The following RNF150 variants were observed in gnomAD, a reference collection of about 807,000 sequenced individuals.
The protein encoded by RNF150 is ring finger protein 150.
RNF150 carries 24 observed loss-of-function variants against 39.3 expected under a neutral mutation model. The observed-to-expected ratio is 0.61, with a 90% CI of 0.44 to 0.86. The LOEUF is 0.86. Ranked by LOEUF, RNF150 falls within the 40% of genes least tolerant of loss-of-function variation. The pLI is 0.00. For missense variants in RNF150, 502 were observed against 587.8 expected (o/e 0.85, Z 1.51); for synonymous variants, 255 against 227.3 (o/e 1.12, Z -1.10).
intron 1 of RNF150, among the ~76,000 whole-genome samples, chr4:141,170,800 T>C (rs1320643473): frequency 6.6e-6 from 1 of 152,316 alleles, no homozygotes; most frequent in East Asian, 1.9e-4. Context: ...TTCCAGAGAA[T>C]AATTGAACAT....
intron 1 of RNF150, among the ~76,000 whole-genome samples, chr4:141,102,052 G>A (rs1021673697): frequency 1.3e-5 from 2 of 152,078 alleles, no homozygotes; most frequent in African/African-American, 4.8e-5. Context: ...AAAGTTCTGG[G>A]ATTACAGGTG....
At position 140,864,113 on chromosome 4, in the gene RNF150, G is replaced by T. The variant is rs1246818897; in HGVS notation, c.*4148C>A. ...AGGATGAAGGAAATGTTAAAAACAA[G>T]AAAACAAAACAAAACAAAACAAAAT... On this transcript the variant is annotated 3_prime_UTR_variant, in exon 7 of 7. Coordinates refer to ENST00000515673, the MANE Select transcript of RNF150 (RefSeq NM_020724.2). The T allele has an allele frequency of 6.6e-6, 1 of 152,120 alleles. No individual in the cohort carries two copies. Among genetic ancestry groups the T allele is most frequent in the Admixed American group, 6.6e-5 (1 of 15,260 alleles). The allele number at this position is 152,120 out of a possible 1,614,324, so 9.4% of individuals were successfully genotyped here.
intron 1 of RNF150, among the ~76,000 whole-genome samples, chr4:141,043,854 T>G (rs947328172): frequency 6.6e-6 from 1 of 152,080 alleles, no homozygotes; most frequent in Non-Finnish European, 1.5e-5. Flanking sequence ...ATCACAACCT[T>G]GATTTCAGAC....
At chr4:141,045,573 C>T (rs1014925501) in intron 1 of RNF150, among the ~76,000 whole-genome samples, 3 of 151,536 alleles carry the variant, frequency 2.0e-5, no homozygotes, top group Admixed American at 6.6e-5. Flanking sequence ...AACGGAGTTT[C>T]GTTCTTGTTG....
chr4:140,916,332 A>T (rs966929871), intron 5 of RNF150, among the ~76,000 whole-genome samples: 6 of 152,342 alleles, frequency 3.9e-5, no homozygotes, highest in Admixed American at 1.3e-4. Flanking sequence ...AGAATAACCA[A>T]TGCAGAGAAG....
intron 1 of RNF150, among the ~76,000 whole-genome samples, chr4:141,000,831 T>G (rs1035316288): frequency 6.6e-6 from 1 of 152,210 alleles, no homozygotes; most frequent in Non-Finnish European, 1.5e-5. Flanking sequence ...CATCCTCATT[T>G]GGAAGTTTTT....
intron 6 of RNF150, among the ~76,000 whole-genome samples, chr4:140,889,394 T>G (rs1485843790): frequency 6.6e-6 from 1 of 152,220 alleles, no homozygotes; most frequent in Non-Finnish European, 1.5e-5. Context: ...GAGTTGGTAT[T>G]TTAAAAAATA....
At chr4:141,027,129 G>A (rs959467112) in intron 1 of RNF150, among the ~76,000 whole-genome samples, 2 of 152,148 alleles carry the variant, frequency 1.3e-5, no homozygotes, top group African/African-American at 4.8e-5. Flanking sequence ...TTCCTCTTCA[G>A]TGGGTCTGCA....
chr4:140,947,125 A>C (rs1732346905), intron 4 of RNF150, among the ~76,000 whole-genome samples: 1 of 152,212 alleles, frequency 6.6e-6, no homozygotes, highest in South Asian at 2.1e-4. Flanking sequence ...CCCTAGATGC[A>C]AGAATTTTAA....
At chr4:141,078,854 T>G (rs1019653066) in intron 1 of RNF150, among the ~76,000 whole-genome samples, 4 of 135,100 alleles carry the variant, frequency 3.0e-5, no homozygotes, top group Non-Finnish European at 6.3e-5. Context: ...CACACATACA[T>G]ACATACATAT....
chr4:141,024,755 G>T (rs1423976088), intron 1 of RNF150, among the ~76,000 whole-genome samples: 1 of 152,076 alleles, frequency 6.6e-6, no homozygotes, highest in Non-Finnish European at 1.5e-5. Context: ...CAAAACGGAG[G>T]TGCTGACCAG....
chr4:140,946,499 G>T (rs1274246303), intron 4 of RNF150, among the ~76,000 whole-genome samples: 1 of 151,864 alleles, frequency 6.6e-6, no homozygotes, highest in African/African-American at 2.4e-5. Context: ...TTTGAGACAA[G>T]GTCTCGCTGT....
At position 140,909,710 on chromosome 4, in the gene RNF150, A is replaced by C. The variant is rs534585603; in HGVS notation, c.1198+1434T>G. The stretch of plus-strand genomic sequence containing the variant: ...TTGCATTATATTAATATCGGGCTGC[A>C]CCAGTCTAAACCTTCAAAACAAAGG... On this transcript the variant is annotated intron_variant, in intron 6 of 6. Transcript: ENST00000515673. 5.9e-5 allele frequency among the ~76,000 whole-genome samples: 9 copies of C among 152,284 alleles called. No individual in the cohort carries two copies. In the South Asian group the frequency reaches 1.9e-3, roughly 32 times the overall value.
At chr4:140,893,661 G>A (rs1306367162) in intron 6 of RNF150, among the ~76,000 whole-genome samples, 1 of 152,168 alleles carries the variant, frequency 6.6e-6, no homozygotes, top group Non-Finnish European at 1.5e-5. Context: ...CCACCTGTGT[G>A]GAATGGTTCC....
At chr4:141,046,244 G>A (rs1040357731) in intron 1 of RNF150, among the ~76,000 whole-genome samples, 1 of 152,106 alleles carries the variant, frequency 6.6e-6, no homozygotes, top group Non-Finnish European at 1.5e-5. Context: ...GACCTTAGAT[G>A]GGGGAATACA....
At chr4:141,111,843 A>C (rs1408715862) in intron 1 of RNF150, among the ~76,000 whole-genome samples, 3 of 152,224 alleles carry the variant, frequency 2.0e-5, no homozygotes, top group Non-Finnish European at 4.4e-5. Flanking sequence ...AATAATAATA[A>C]GAGTGTCGTG....
At chr4:141,164,272 A>G (rs932797068) in intron 1 of RNF150, among the ~76,000 whole-genome samples, 3 of 152,090 alleles carry the variant, frequency 2.0e-5, no homozygotes, top group African/African-American at 7.2e-5. Context: ...ATGAAAAGGA[A>G]CAAACAAAGC....
intron 6 of RNF150, among the ~76,000 whole-genome samples, chr4:140,905,529 G>GT (rs1730339945): frequency 2.0e-5 from 3 of 152,118 alleles, no homozygotes; most frequent in Admixed American, 2.0e-4. Flanking sequence ...CCATCTTGAG[G>GT]CAATAAAAAT....
At chr4:141,056,289 C>T (rs1267601910) in intron 1 of RNF150, among the ~76,000 whole-genome samples, 1 of 152,118 alleles carries the variant, frequency 6.6e-6, no homozygotes, top group African/African-American at 2.4e-5. Flanking sequence ...TAACCCTAGC[C>T]CTTTCGGAGG....
Sources: allele counts gnomAD v4.1 joint callset (sites outside exome capture counted in the v4.1 genomes callset), GRCh38; gene constraint gnomAD v4.1.1; transcripts MANE v1.5; gene names NCBI Gene and HGNC (gene_info 2026-07-23, HGNC 2026-07-21).